OSBP2: variants seen among roughly 807,000 people sequenced by gnomAD.
The protein encoded by OSBP2 is oxysterol-binding protein 2.
Under a neutral mutation model 96.0 loss-of-function variants are expected in OSBP2, and 66 were observed. The ratio of observed to expected loss-of-function variants is 0.69; its 90% CI spans 0.56 to 0.84. The LOEUF (loss-of-function observed/expected upper bound fraction) is 0.84, where lower values mean the gene tolerates loss of function less well. OSBP2 is among the 40% of genes least tolerant of loss of function. The pLI, the probability that OSBP2 is intolerant of heterozygous loss-of-function variation, is 0.00. For missense variants in OSBP2, 1,038 were observed against 1,222.7 expected (o/e 0.85, Z 2.25); for synonymous variants, 525 against 520.9 (o/e 1.01, Z -0.11).
intron 2 of OSBP2, among the ~76,000 whole-genome samples, chr22:30,784,611 T>C (rs116104758): frequency 0.015 from 2,331 of 152,194 alleles, 55 homozygotes; most frequent in African/African-American, 0.051. Context: ...CTGCAAGTTG[T>C]GAGAAAGGCA....
At chr22:30,800,618 G>T (rs1485613257) in intron 2 of OSBP2, among the ~76,000 whole-genome samples, 1 of 152,236 alleles carries the variant, frequency 6.6e-6, no homozygotes, top group Admixed American at 6.5e-5. Context: ...GCCAGAATGA[G>T]CATGTGTAGT....
At chr22:30,822,057 T>C (rs1569137727) in intron 2 of OSBP2, among the ~76,000 whole-genome samples, 1 of 152,192 alleles carries the variant, frequency 6.6e-6, no homozygotes, top group Non-Finnish European at 1.5e-5. Context: ...TCTTCCTGCA[T>C]GGTGGCCAGG....
rs2040340854 is a variant in OSBP2 at position 30,906,517 on chromosome 22, G to A, written c.*178G>A. 2.7e-6 allele frequency: 2 copies of A among 728,636 alleles called. No homozygotes were observed. The highest frequency in any genetic ancestry group is 4.1e-6 in the Non-Finnish European group (2 of 485,600). The allele number at this position is 728,636 out of a possible 1,614,324, so 45.1% of individuals were successfully genotyped here. On this transcript the variant is annotated 3_prime_UTR_variant, in exon 14 of 14. Transcript: ENST00000332585. Reference sequence around the variant, plus strand: ...GGACTCCCACCTTGGAAGGAGGAAGGGCTGACCTGGGTTCTCTCCAGCCCC... The same window carrying A: ...GGACTCCCACCTTGGAAGGAGGAAGAGCTGACCTGGGTTCTCTCCAGCCCC...
chr22:30,832,913 C>T (rs2038558095), intron 2 of OSBP2, among the ~76,000 whole-genome samples: 1 of 152,160 alleles, frequency 6.6e-6, no homozygotes, highest in African/African-American at 2.4e-5. Context: ...CTGTGAATTG[C>T]ATAGAGTTTA....
chr22:30,900,744 G>A (rs537114025), intron 12 of OSBP2, among the ~76,000 whole-genome samples: 10 of 152,168 alleles, frequency 6.6e-5, no homozygotes, highest in East Asian at 1.9e-4. Context: ...CCTCCCTCAC[G>A]TTATAAAGAA....
upstream of OSBP2, chr22:30,693,984 A>AAAC: frequency 7.5e-7 from 1 of 1,329,476 alleles, no homozygotes; most frequent in Non-Finnish European, 1.0e-6. Context: ...AAAAAAAAAA[A>AAAC]GCGGAAAAAA....
At chr22:30,785,940 A>G (rs1052404271) in intron 2 of OSBP2, among the ~76,000 whole-genome samples, 2 of 152,130 alleles carry the variant, frequency 1.3e-5, no homozygotes, top group African/African-American at 2.4e-5. Flanking sequence ...ACTGTGAGTC[A>G]ATTAAACCTC....
intron 1 of OSBP2, among the ~76,000 whole-genome samples, chr22:30,716,536 CA>C (rs2089458830): frequency 6.6e-6 from 1 of 152,046 alleles, no homozygotes; most frequent in South Asian, 2.1e-4. Context: ...CTCCCAGGTT[CA>C]AGCAATTCTC....
chr22:30,733,399 G>A (rs2089808500), intron 1 of OSBP2, among the ~76,000 whole-genome samples: 1 of 152,194 alleles, frequency 6.6e-6, no homozygotes, highest in African/African-American at 2.4e-5. Flanking sequence ...GATCTGCAGG[G>A]GGGATAAATG....
chr22:30,864,170 C>T (rs2039282143), intron 2 of OSBP2, among the ~76,000 whole-genome samples: 1 of 152,136 alleles, frequency 6.6e-6, no homozygotes, highest in Admixed American at 6.5e-5. Flanking sequence ...TGGGGTTTCA[C>T]CATATTGGCC....
At chr22:30,730,768 CTCTCTCTATATATATATATA>C in intron 1 of OSBP2, among the ~76,000 whole-genome samples, 1 of 32,566 alleles carries the variant, frequency 3.1e-5, no homozygotes, top group African/African-American at 1.2e-4. Context: ...CTCTCTCTCT[CTCTCTCTATATATATATATA>C]TATATATATA....
At chr22:30,874,354 G>A (rs1454872509) in intron 3 of OSBP2, among the ~76,000 whole-genome samples, 1 of 152,170 alleles carries the variant, frequency 6.6e-6, no homozygotes, top group African/African-American at 2.4e-5. Flanking sequence ...GGAGGTTGCA[G>A]TGAGCCAAGA....
At chr22:30,850,182 T>TG (rs2038952647) in intron 2 of OSBP2, among the ~76,000 whole-genome samples, 1 of 151,928 alleles carries the variant, frequency 6.6e-6, no homozygotes, top group Non-Finnish European at 1.5e-5. Flanking sequence ...GCTGTGTGCC[T>TG]ATAGTCCCAG....
At chr22:30,725,200 A>AAC (rs1057460467) in intron 1 of OSBP2, among the ~76,000 whole-genome samples, 2 of 146,096 alleles carry the variant, frequency 1.4e-5, no homozygotes, top group African/African-American at 2.5e-5. Flanking sequence ...AAAAAAACAA[A>AAC]AAAAAAACAA....
chr22:30,751,872 C>T (rs541822754), intron 2 of OSBP2, among the ~76,000 whole-genome samples: 62 of 152,320 alleles, frequency 4.1e-4, no homozygotes, highest in African/African-American at 1.3e-3. Flanking sequence ...CAGCAGCCCC[C>T]GAGGGATTCA....
chr22:30,862,893 A>T (rs2039248342), intron 2 of OSBP2, among the ~76,000 whole-genome samples: 1 of 151,836 alleles, frequency 6.6e-6, no homozygotes, highest in Non-Finnish European at 1.5e-5. Context: ...GAATTGCTTG[A>T]ACCTGGTAGG....
intron 2 of OSBP2, among the ~76,000 whole-genome samples, chr22:30,786,208 A>T (rs2090588291): frequency 6.6e-6 from 1 of 152,114 alleles, no homozygotes; most frequent in Non-Finnish European, 1.5e-5. Context: ...TTTTCAGTAG[A>T]GATGGAGTTT....
At chr22:30,779,183 G>A (rs1602251917) in intron 2 of OSBP2, among the ~76,000 whole-genome samples, 1 of 151,516 alleles carries the variant, frequency 6.6e-6, no homozygotes, top group African/African-American at 2.4e-5. Flanking sequence ...CCGGGTTCAA[G>A]TGGTTCTCCT....
chr22:30,724,487 C>T (rs921635900), intron 1 of OSBP2, among the ~76,000 whole-genome samples: 23 of 152,180 alleles, frequency 1.5e-4, no homozygotes, highest in Admixed American at 1.4e-3. Context: ...TCCCAAAGTG[C>T]TGGGATTACA....
Sources: gnomAD v4.1 joint callset for allele counts (sites outside exome capture counted in the v4.1 genomes callset) on GRCh38, gnomAD v4.1.1 for gene constraint, MANE v1.5 for transcripts, NCBI Gene and HGNC (gene_info 2026-07-23, HGNC 2026-07-21) for gene names.